Variants in TRPV4 observed in about 807,000 individuals in gnomAD.
The protein encoded by TRPV4 is OSM9-like transient receptor potential channel 4.
A neutral mutation model predicts 84.1 loss-of-function variants in TRPV4; 58 were observed. The ratio of observed to expected loss-of-function variants is 0.69; its 90% confidence interval spans 0.56 to 0.86. TRPV4 has a LOEUF of 0.86. Among genes scored for constraint, TRPV4 ranks in the 40% least tolerant of loss-of-function variants. TRPV4 has a pLI of 0.00. For synonymous variants in TRPV4, 489 were observed against 500.9 expected (o/e 0.98, Z 0.32); for missense variants, 879 against 1,181.1 (o/e 0.74, Z 3.75).
intron 1 of TRPV4, among the ~76,000 whole-genome samples, chr12:109,829,185 T>C (rs1283748761): frequency 1.4e-5 from 2 of 145,712 alleles, no homozygotes; most frequent in African/African-American, 5.1e-5. Context: ...AAATAATAAA[T>C]AAAAAAAAAA....
intron 1 of TRPV4, among the ~76,000 whole-genome samples, chr12:109,824,572 A>G (rs1434988821): frequency 6.6e-6 from 1 of 152,028 alleles, no homozygotes; most frequent in Non-Finnish European, 1.5e-5. Context: ...ACTGGCCAAC[A>G]TGGTGAAACC....
chr12:109,814,529 G>A lies in TRPV4; in HGVS notation c.268C>T (p.Leu90=), dbSNP rs2136659904. ...PNPIDLLEST[L]YESSVVPGPK... ...CCAGGCACCACCGAGGACTCATATA[G>A]GGTGGACTCCAGCAGATCGATGGGG... Residue 90 remains leucine, a synonymous_variant, in exon 2 of 16, where the codon CTA becomes TTA. Coordinates refer to ENST00000261740, the MANE Select transcript of TRPV4 (RefSeq NM_021625.5). This position sits in a 1 kb window ranked among gnomAD's most constrained non-coding sequence, Gnocchi z 5.4. 6.2e-7 allele frequency: 1 copy of A among 1,614,166 alleles called. No homozygotes were observed. The highest frequency in any genetic ancestry group is 8.5e-7 in the Non-Finnish European group (1 of 1,180,008).
Position 109,794,286 on chromosome 12 carries a change from C to G in TRPV4, c.1491+43G>C, listed in dbSNP as rs745625337. The G allele has an allele frequency of 4.5e-5, 72 of 1,606,172 alleles. No homozygotes were observed. In the Middle Eastern group the frequency reaches 4.9e-4, roughly 11 times the overall value. ...TGTGCCCCAGTCCTGCATGGCTCAG[C>G]CCAGTGCCTGCCCCAGCCCCTGCCC... is the stretch of plus-strand genomic sequence containing the variant. On this transcript the variant is annotated intron_variant, in intron 8 of 15. Transcript: ENST00000261740.
At chr12:109,792,901 C>T in intron 10 of TRPV4, 84 bp from the exon 11 acceptor site, 2 of 1,463,698 alleles carry the variant, frequency 1.4e-6, no homozygotes, top group South Asian at 2.4e-5. Context: ...CCTCCAAGCC[C>T]TCCAGGGTAT....
chr12:109,795,878 G>T (rs1304686836), intron 7 of TRPV4, among the ~76,000 whole-genome samples: 2 of 152,000 alleles, frequency 1.3e-5, no homozygotes, highest in Admixed American at 1.3e-4. Context: ...CTCCCAAGTA[G>T]CTGGGACTAC....
intron 3 of TRPV4, among the ~76,000 whole-genome samples, chr12:109,807,393 CTTTT>C (rs377690733): frequency 3.7e-5 from 5 of 135,116 alleles, no homozygotes; most frequent in Admixed American, 1.5e-4. Flanking sequence ...TATCACAATT[CTTTT>C]TTTTTTTTTT....
chr12:109,803,354 G>A (rs1023211701), intron 3 of TRPV4, among the ~76,000 whole-genome samples: 19 of 152,286 alleles, frequency 1.2e-4, no homozygotes, highest in Middle Eastern at 3.4e-3. Flanking sequence ...TAAACGCATG[G>A]GGTTAGGTGC....
chr12:109,783,697 C>A lies in TRPV4; in HGVS notation c.2540G>T (p.Ser847Ile), dbSNP rs145184680. The change falls in exon 16 of 16, where the codon AGC (serine) becomes ATC (isoleucine). Residue 847 changes from serine to isoleucine, a missense_variant. Physicochemically the swap from Ser to Ile is moderately radical, Grantham distance 142 (BLOSUM62 -2). This residue lies in a region of TRPV4 where 242 missense variants were observed against 355.3 expected (regional missense o/e 0.68). Coordinates refer to ENST00000261740, the MANE Select transcript of TRPV4 (RefSeq NM_021625.5). This position sits in a 1 kb window ranked among gnomAD's most constrained non-coding sequence, Gnocchi z 4.6. ...NPDEVVVPLD[S>I]MGNPRCDGHQ... ...GCCATCGCAGCGGGGGTTCCCCATG[C>A]TGTCCAGAGGCACCACCACCTCGTC... is the stretch of plus-strand genomic sequence containing the variant. 7 of 1,613,692 alleles carry A rather than the reference C, an allele frequency of 4.3e-6. No homozygotes were observed. The African/African-American group carries it at 6.7e-5, about 15-fold the overall frequency.
chr12:109,788,318 G>A (rs954913268), intron 13 of TRPV4, 82 bp downstream of exon 13: 5 of 1,360,754 alleles, frequency 3.7e-6, no homozygotes, highest in African/African-American at 1.4e-5. Flanking sequence ...CAGAGTGGAA[G>A]GCCGAGGAAG....
chr12:109,795,929 A>ATTTTTTATTTTATTAT lies in TRPV4; in HGVS notation c.1332+595_1332+596insATAATAAAATAAAAAA, dbSNP rs1565868149. On this transcript the variant is annotated intron_variant, in intron 7 of 15. Coordinates refer to ENST00000261740, the MANE Select transcript of TRPV4 (RefSeq NM_021625.5). Reference sequence around the variant, plus strand: ...TGCCTAGCTAATTTTCATTTTTATTATTTTTTTTTGGTAGAGACGGGGTTT... The same window carrying ATTTTTTATTTTATTAT: ...TGCCTAGCTAATTTTCATTTTTATTATTTTTTATTTTATTATTTTTTTTTTGGTAGAGACGGGGTTT... Among the ~76,000 whole-genome samples the ATTTTTTATTTTATTAT allele has an allele frequency of 4.7e-5, 7 of 149,192 alleles. No homozygotes were observed. The South Asian group carries it at 1.5e-3, about 32-fold the overall frequency.
At chr12:109,801,837 A>T (rs2136546626) in intron 4 of TRPV4, among the ~76,000 whole-genome samples, 1 of 152,316 alleles carries the variant, frequency 6.6e-6, no homozygotes. Flanking sequence ...CTCAAAAAAA[A>T]GAAAACTCCT....
At position 109,786,583 on chromosome 12, in the gene TRPV4, C is replaced by A; in HGVS notation, c.2336+127G>T. ...GATCGCCTGGTGGAAATGAACTCTG[C>A]TCGGGCCTCTTGGGGCCTCAGTGGC... On this transcript the variant is annotated intron_variant, in intron 14 of 15. Coordinates refer to ENST00000261740, the MANE Select transcript of TRPV4 (RefSeq NM_021625.5). This position sits in a 1 kb window ranked among gnomAD's most constrained non-coding sequence, Gnocchi z 4.5. 1 of 1,262,650 alleles carries A rather than the reference C, an allele frequency of 7.9e-7. No homozygotes were observed. Among genetic ancestry groups the A allele is most frequent in the South Asian group, 1.3e-5 (1 of 76,766 alleles). 78.2% of individuals were successfully genotyped at this position (1,262,650 alleles called of 1,614,324 possible). A position where few individuals can be genotyped will look rare whatever the true frequency, so the allele number is the denominator to read the frequency against.
In TRPV4 at chr12:109,792,648, G is replaced by C. The variant is rs147259744; in HGVS notation, c.1824+4C>G. On this transcript the variant is annotated splice_donor_region_variant and intron_variant, in intron 11 of 15. Coordinates refer to ENST00000261740, the MANE Select transcript of TRPV4 (RefSeq NM_021625.5). The stretch of plus-strand genomic sequence containing the variant: ...CGAGTCCAGAGGGTCCTCCCAGCCC[G>C]TACCTTCTGGATCATGATGCTATAG... 16 of 1,614,090 alleles carry C rather than the reference G, an allele frequency of 9.9e-6. No homozygotes were observed. In the South Asian group the frequency reaches 1.8e-4, roughly 18 times the overall value.
chr12:109,807,950 G>C (rs1891245796), intron 3 of TRPV4, among the ~76,000 whole-genome samples: 2 of 152,188 alleles, frequency 1.3e-5, no homozygotes, highest in Non-Finnish European at 2.9e-5. Flanking sequence ...TTATTCCCCA[G>C]TTTACAGATG....
At chr12:109,801,442 C>T (rs1327286750) in intron 4 of TRPV4, among the ~76,000 whole-genome samples, 1 of 152,136 alleles carries the variant, frequency 6.6e-6, no homozygotes, top group Admixed American at 6.5e-5. Context: ...CTATAAGGGG[C>T]TTTTCCCCCT....
rs387907219 is a variant in TRPV4 at position 109,800,659 on chromosome 12, C to T, written c.812G>A (p.Arg271His). 9.3e-6 allele frequency: 15 copies of T among 1,614,072 alleles called. No homozygotes were observed. The highest frequency in any genetic ancestry group is 1.7e-5 in the Admixed American group (1 of 60,008). Residue 271 changes from arginine (R) to histidine (H), a missense_variant, in exon 5 of 16, where the codon CGC (arginine) becomes CAC (histidine). Arg to His is a conservative substitution (Grantham distance 29, BLOSUM62 0). Coordinates refer to ENST00000261740, the MANE Select transcript of TRPV4 (RefSeq NM_021625.5). ...CCCCTCATCCTTGGGCTGGAAGAAG[C>T]GCCCACGGGCCTGGGCGTGGACATC... is the stretch of plus-strand genomic sequence containing the variant. ...GADVHAQARG[R>H]FFQPKDEGGY...
chr12:109,783,435 G>T lies in TRPV4; in HGVS notation c.*186C>A. ...ATAGGAGCAAGACAGGTGGCCGGGAGCCCCCACCCCAGGGTGGGGAGGCAG... is the reference window on the plus strand; with the variant it reads ...ATAGGAGCAAGACAGGTGGCCGGGATCCCCCACCCCAGGGTGGGGAGGCAG... On this transcript the variant is annotated 3_prime_UTR_variant, in exon 16 of 16. Coordinates refer to ENST00000261740, the MANE Select transcript of TRPV4 (RefSeq NM_021625.5). This position sits in a 1 kb window ranked among gnomAD's most constrained non-coding sequence, Gnocchi z 4.6. 1 of 717,124 alleles carries T rather than the reference G, an allele frequency of 1.4e-6. No individual in the cohort carries two copies. Among genetic ancestry groups the T allele is most frequent in the Non-Finnish European group, 2.2e-6 (1 of 450,960 alleles). The allele number at this position is 717,124 out of a possible 1,614,324, so 44.4% of individuals were successfully genotyped here. A position where few individuals can be genotyped will look rare whatever the true frequency, so the allele number is the denominator to read the frequency against.
chr12:109,817,767 A>G (rs888092426), intron 1 of TRPV4, among the ~76,000 whole-genome samples: 1 of 152,146 alleles, frequency 6.6e-6, no homozygotes, highest in East Asian at 1.9e-4. Flanking sequence ...GTGGTTCTCA[A>G]CCAAGGACAG....
chr12:109,784,860 C>T (rs1416527146), intron 14 of TRPV4, among the ~76,000 whole-genome samples: 3 of 123,796 alleles, frequency 2.4e-5, no homozygotes, highest in African/African-American at 6.4e-5. Context: ...AAAAAAAAGA[C>T]GTGTGTGTGT....
Sources: gnomAD v4.1 joint callset for allele counts (sites outside exome capture counted in the v4.1 genomes callset) on GRCh38, gnomAD v4.1.1 for gene constraint, gnomAD v4.1.1 regional missense constraint, Gnocchi (gnomAD v3.1) non-coding constraint, MANE v1.5 for transcripts, NCBI Gene and HGNC (gene_info 2026-07-23, HGNC 2026-07-21) for gene names.